CACNA1A: variants seen among roughly 807,000 people sequenced by gnomAD.
CACNA1A encodes calcium voltage-gated channel subunit alpha1 A, also known as voltage-dependent P/Q-type calcium channel subunit alpha-1A.
In CACNA1A, 57 loss-of-function variants were observed where a neutral mutation model predicts 262.4. That is an observed-to-expected ratio of 0.22 (90% CI 0.18 to 0.27). CACNA1A has a LOEUF of 0.27. CACNA1A is among the 10% of genes least tolerant of loss of function. CACNA1A has a pLI of 1.00. For synonymous variants in CACNA1A, 1,431 were observed against 1,419.3 expected (o/e 1.01, Z -0.18); for missense variants, 2,526 against 3,562.8 (o/e 0.71, Z 7.41).
intron 6 of CACNA1A, among the ~76,000 whole-genome samples, chr19:13,340,289 G>C (rs937022180): frequency 1.3e-5 from 2 of 152,062 alleles, no homozygotes; most frequent in Admixed American, 6.6e-5. Context: ...CACAGGACAT[G>C]CTACCCAGCA....
chr19:13,334,234 A>T (rs2058517440), intron 8 of CACNA1A, 144 bp downstream of exon 8: 1 of 596,920 alleles, frequency 1.7e-6, no homozygotes, highest in Admixed American at 2.9e-5. Context: ...ATTCTTGTTG[A>T]TAAAATTTGG....
chr19:13,435,920 G>A lies in CACNA1A; in HGVS notation c.539+16956C>T, dbSNP rs577291739. ...GCTCACTGCAACCTCCACCTCCCCAGTTCAGGTGATTCTCATGCCTCAGCC... is the reference window on the plus strand; with the variant it reads ...GCTCACTGCAACCTCCACCTCCCCAATTCAGGTGATTCTCATGCCTCAGCC... On this transcript the variant is annotated intron_variant, in intron 3 of 46. Coordinates refer to ENST00000360228, the MANE Select transcript of CACNA1A (RefSeq NM_001127222.2). Among the ~76,000 whole-genome samples the A allele has an allele frequency of 2.6e-5, 4 of 152,298 alleles. 1 individual carries two copies. The highest frequency in any genetic ancestry group is 9.6e-5 in the African/African-American group (4 of 41,554).
intron 26 of CACNA1A, chr19:13,260,155 C>T (rs1423576986): frequency 1.9e-5 from 3 of 157,376 alleles, no homozygotes; most frequent in Admixed American, 6.2e-5. Flanking sequence ...ATCTGGCATC[C>T]TCCTAATTTC....
intron 3 of CACNA1A, among the ~76,000 whole-genome samples, chr19:13,429,145 C>G (rs1471450629): frequency 6.7e-6 from 1 of 149,636 alleles, no homozygotes; most frequent in Non-Finnish European, 1.5e-5. Flanking sequence ...ATTTCTCCCC[C>G]TCCAGCCTCT....
intron 31 of CACNA1A, 186 bp from the exon 32 acceptor site, chr19:13,235,916 A>C: frequency 7.7e-6 from 4 of 521,038 alleles, no homozygotes; most frequent in East Asian, 6.3e-5. Flanking sequence ...AAAAGGAATA[A>C]TGTTGGGAGA....
intron 3 of CACNA1A, among the ~76,000 whole-genome samples, chr19:13,382,156 C>T (rs552793343): frequency 6.6e-6 from 1 of 152,110 alleles, no homozygotes; most frequent in Admixed American, 6.6e-5. Context: ...GATTCAACTA[C>T]AAGTCCCTCT....
At chr19:13,274,390 G>A (rs2057097914) in intron 24 of CACNA1A, 1 of 152,132 alleles carries the variant, frequency 6.6e-6, no homozygotes, top group South Asian at 2.1e-4. Flanking sequence ...TTTGGTGAGG[G>A]AGACCATTCA....
chr19:13,335,742 C>G (rs1568546470), intron 7 of CACNA1A, 64 bp downstream of exon 7: 1 of 1,056,772 alleles, frequency 9.5e-7, no homozygotes, highest in Non-Finnish European at 1.4e-6. Flanking sequence ...TCAATGGCCT[C>G]TACTTGGAAA....
intron 24 of CACNA1A, among the ~76,000 whole-genome samples, chr19:13,263,674 C>T (rs139812459): frequency 2.2e-4 from 33 of 152,200 alleles, no homozygotes; most frequent in African/African-American, 7.5e-4. Flanking sequence ...GTGCGTGCCA[C>T]CATGCCCAGC....
intron 1 of CACNA1A, among the ~76,000 whole-genome samples, chr19:13,469,534 C>T (rs1323569927): frequency 1.3e-5 from 2 of 148,862 alleles, no homozygotes; most frequent in African/African-American, 2.5e-5. Context: ...ACAGCAGCTC[C>T]GCCTCCCGGG....
intron 6 of CACNA1A, among the ~76,000 whole-genome samples, chr19:13,338,874 G>GTT (rs140839888): frequency 6.6e-6 from 1 of 150,632 alleles, no homozygotes; most frequent in African/African-American, 2.4e-5. Flanking sequence ...TTAAAAAGTT[G>GTT]TTTTTTTTTG....
chr19:13,289,053 C>T (rs2057473311), intron 19 of CACNA1A, among the ~76,000 whole-genome samples: 2 of 151,914 alleles, frequency 1.3e-5, no homozygotes, highest in South Asian at 4.2e-4. Flanking sequence ...CAGGTCCAAG[C>T]AACTTTCTGC....
At chr19:13,418,669 G>T (rs1284830189) in intron 3 of CACNA1A, among the ~76,000 whole-genome samples, 6 of 152,160 alleles carry the variant, frequency 3.9e-5, no homozygotes, top group Non-Finnish European at 8.8e-5. Context: ...TCCTCCCCCG[G>T]ATCCTTTGGA....
intron 44 of CACNA1A, 77 bp downstream of exon 44, chr19:13,210,540 C>A (rs1370157144): frequency 7.7e-7 from 1 of 1,292,884 alleles, no homozygotes; most frequent in Non-Finnish European, 1.1e-6. Flanking sequence ...TGAGAGATGA[C>A]GGGACTCCCT....
intron 24 of CACNA1A, among the ~76,000 whole-genome samples, chr19:13,266,017 T>C (rs935111371): frequency 6.6e-6 from 1 of 152,072 alleles, no homozygotes; most frequent in Non-Finnish European, 1.5e-5. Flanking sequence ...GCTAATTTTG[T>C]ATTTTTAGTA....
At chr19:13,227,870 T>C (rs923932549) in intron 36 of CACNA1A, among the ~76,000 whole-genome samples, 1 of 148,316 alleles carries the variant, frequency 6.7e-6, no homozygotes, top group Admixed American at 6.8e-5. Context: ...ATTCTCACTT[T>C]GGAAGACGTA....
At chr19:13,376,218 T>C (rs1332384551) in intron 3 of CACNA1A, among the ~76,000 whole-genome samples, 2 of 152,208 alleles carry the variant, frequency 1.3e-5, no homozygotes, top group African/African-American at 4.8e-5. Context: ...CACTGAATAA[T>C]AGATTTTTAA....
At chr19:13,228,803 G>A in intron 36 of CACNA1A, 1 of 1,534,246 alleles carries the variant, frequency 6.5e-7, no homozygotes, top group Non-Finnish European at 8.9e-7. Context: ...CCGCTGAAAG[G>A]AGAAGAAAGG....
intron 3 of CACNA1A, among the ~76,000 whole-genome samples, chr19:13,374,082 A>G (rs894526869): frequency 6.6e-5 from 10 of 152,172 alleles, no homozygotes; most frequent in African/African-American, 2.4e-4. Context: ...AGAACTTTCC[A>G]GGCTGAGAGT....
Sources: allele counts gnomAD v4.1 joint callset (sites outside exome capture counted in the v4.1 genomes callset), GRCh38; gene constraint gnomAD v4.1.1; transcripts MANE v1.5; gene names NCBI Gene and HGNC (gene_info 2026-07-23, HGNC 2026-07-21).